DSCAM: variants seen among roughly 807,000 people sequenced by gnomAD.
DSCAM encodes cell adhesion molecule DSCAM.
A neutral mutation model predicts 217.7 loss-of-function variants in DSCAM; 47 were observed. The ratio of observed to expected loss-of-function variants is 0.22; its 90% CI spans 0.17 to 0.28. The LOEUF (loss-of-function observed/expected upper bound fraction) is 0.28, where lower values mean the gene tolerates loss of function less well. Ranked by LOEUF, DSCAM falls within the 10% of genes least tolerant of loss-of-function variation. The pLI is 1.00. For missense variants in DSCAM, 2,080 were observed against 2,618.3 expected (o/e 0.79, Z 4.49); for synonymous variants, 1,056 against 1,015.3 (o/e 1.04, Z -0.76).
intron 15 of DSCAM, among the ~76,000 whole-genome samples, chr21:40,175,847 T>C (rs115626804): frequency 0.02 from 2,807 of 139,942 alleles, 74 homozygotes; most frequent in African/African-American, 0.06. Flanking sequence ...ACTCTGCTCA[T>C]TGTGACACCC....
chr21:40,586,200 T>G (rs975338576), intron 3 of DSCAM, among the ~76,000 whole-genome samples: 1 of 152,166 alleles, frequency 6.6e-6, no homozygotes, highest in Non-Finnish European at 1.5e-5. Flanking sequence ...CTCTGTGCAG[T>G]GGCTCCCCTT....
At position 40,225,774 on chromosome 21, in the gene DSCAM, C is replaced by T. The variant is rs183853487; in HGVS notation, c.2357-36536G>A. ...AAAGGTAACAATACTTTTCCCCAGGCCTCAGAGCCTCGATTTGTGTGAACT... is the reference window on the plus strand; with the variant it reads ...AAAGGTAACAATACTTTTCCCCAGGTCTCAGAGCCTCGATTTGTGTGAACT... On this transcript the variant is annotated intron_variant, in intron 11 of 32. Transcript: ENST00000400454. Among the ~76,000 whole-genome samples, 8 of 152,218 alleles carry T rather than the reference C, an allele frequency of 5.3e-5. No homozygotes were observed. In the East Asian group the frequency reaches 1.4e-3, roughly 26 times the overall value.
chr21:40,807,520 C>T (rs916868289), intron 1 of DSCAM, among the ~76,000 whole-genome samples: 1 of 152,204 alleles, frequency 6.6e-6, no homozygotes, highest in Non-Finnish European at 1.5e-5. Flanking sequence ...TCTTGGAAAG[C>T]TTCTATGCAC....
intron 3 of DSCAM, among the ~76,000 whole-genome samples, chr21:40,618,305 C>T (rs1373436225): frequency 6.6e-6 from 1 of 152,184 alleles, no homozygotes; most frequent in Non-Finnish European, 1.5e-5. Flanking sequence ...ATGAGCTCTC[C>T]GTGGTCTTTG....
chr21:40,598,497 G>GTTTTTTTTTTTT (rs71186947), intron 3 of DSCAM, among the ~76,000 whole-genome samples: 1 of 66,814 alleles, frequency 1.5e-5, no homozygotes, highest in Non-Finnish European at 2.6e-5. Context: ...CTGCCAAACT[G>GTTTTTTTTTTTT]TTTTTTTTTT....
At chr21:40,210,183 C>A (rs890113881) in intron 11 of DSCAM, among the ~76,000 whole-genome samples, 1 of 152,156 alleles carries the variant, frequency 6.6e-6, no homozygotes, top group Admixed American at 6.5e-5. Flanking sequence ...AAATTACCTC[C>A]AGTTCTTCAA....
intron 3 of DSCAM, among the ~76,000 whole-genome samples, chr21:40,580,722 C>A (rs1414544285): frequency 6.6e-6 from 1 of 152,086 alleles, no homozygotes; most frequent in African/African-American, 2.4e-5. Context: ...GGCTGGAAGA[C>A]AATCCAAGAC....
chr21:40,303,870 T>A (rs2074042954), intron 9 of DSCAM, among the ~76,000 whole-genome samples: 1 of 152,108 alleles, frequency 6.6e-6, no homozygotes, highest in African/African-American at 2.4e-5. Flanking sequence ...CATTGACCCA[T>A]CAGAAGATAT....
chr21:40,609,121 T>C (rs2089280523), intron 3 of DSCAM, among the ~76,000 whole-genome samples: 1 of 152,006 alleles, frequency 6.6e-6, no homozygotes, highest in Non-Finnish European at 1.5e-5. Flanking sequence ...TGACCAGCTA[T>C]TTTTTGTATT....
intron 3 of DSCAM, among the ~76,000 whole-genome samples, chr21:40,543,123 T>C (rs1272372270): frequency 6.6e-6 from 1 of 152,190 alleles, no homozygotes; most frequent in Non-Finnish European, 1.5e-5. Context: ...ATACAAAATA[T>C]GTTTAAGTAT....
chr21:40,532,249 T>C (rs59188959), intron 3 of DSCAM, among the ~76,000 whole-genome samples: 3,384 of 149,512 alleles, frequency 0.023, 124 homozygotes, highest in African/African-American at 0.079. Context: ...AAAAGAACAA[T>C]GAATCTGAAA....
chr21:40,288,118 G>C (rs145329073), intron 10 of DSCAM, among the ~76,000 whole-genome samples: 291 of 152,260 alleles, frequency 1.9e-3, no homozygotes, highest in Non-Finnish European at 3.3e-3. Flanking sequence ...AGCTACATAA[G>C]GACAAGCTCA....
chr21:40,800,619 G>C (rs2222983), intron 1 of DSCAM, among the ~76,000 whole-genome samples: 1 of 151,938 alleles, frequency 6.6e-6, no homozygotes, highest in Non-Finnish European at 1.5e-5. Flanking sequence ...TGGTTGAAGC[G>C]TGTCCCTGCC....
At chr21:40,562,918 C>T (rs997758994) in intron 3 of DSCAM, among the ~76,000 whole-genome samples, 93 of 152,272 alleles carry the variant, frequency 6.1e-4, no homozygotes, top group African/African-American at 2.0e-3. Context: ...TAAAAGTCAA[C>T]GGCTAGGAGA....
At chr21:40,598,876 T>C (rs1223197676) in intron 3 of DSCAM, among the ~76,000 whole-genome samples, 4 of 152,210 alleles carry the variant, frequency 2.6e-5, no homozygotes, top group African/African-American at 9.7e-5. Flanking sequence ...TGTAAGTTTT[T>C]TGAATTTTAG....
At chr21:40,411,410 A>C (rs939353310) in intron 3 of DSCAM, among the ~76,000 whole-genome samples, 6 of 152,208 alleles carry the variant, frequency 3.9e-5, no homozygotes, top group African/African-American at 1.4e-4. Flanking sequence ...ACAAATAGCA[A>C]GACTGAAACC....
Position 40,494,206 on chromosome 21 carries a change from A to G in DSCAM, c.509-124961T>C, listed in dbSNP as rs932458822. ...AATAAGTCCTTACCTATTTACAATT[A>G]CCTTGAATGTAAATGGATTAAATTT... On this transcript the variant is annotated intron_variant, in intron 3 of 32. Coordinates refer to ENST00000400454, the MANE Select transcript of DSCAM (RefSeq NM_001389.5). 2.6e-5 allele frequency among the ~76,000 whole-genome samples: 4 copies of G among 152,312 alleles called. No homozygotes were observed. In the East Asian group the frequency reaches 7.7e-4, roughly 29 times the overall value.
chr21:40,389,503 A>G (rs2075115246), intron 3 of DSCAM, among the ~76,000 whole-genome samples: 1 of 152,224 alleles, frequency 6.6e-6, no homozygotes, highest in African/African-American at 2.4e-5. Flanking sequence ...TAGGATTTTT[A>G]TCATTAATAC....
At chr21:40,746,183 G>A (rs2091172939) in intron 1 of DSCAM, among the ~76,000 whole-genome samples, 1 of 151,754 alleles carries the variant, frequency 6.6e-6, no homozygotes, top group Non-Finnish European at 1.5e-5. Flanking sequence ...TAACAAAATG[G>A]TAGTAGTAAA....
Sources: allele counts gnomAD v4.1 joint callset (sites outside exome capture counted in the v4.1 genomes callset), GRCh38; gene constraint gnomAD v4.1.1; transcripts MANE v1.5; gene names NCBI Gene and HGNC (gene_info 2026-07-23, HGNC 2026-07-21).